The following TARBP1 variants were observed in gnomAD, a reference collection of about 807,000 sequenced individuals.
TARBP1 encodes the protein tRNA guanosine 2 -O-methyltransferase TARBP1, also known as tRNA (guanosine(18)-2'-O)-methyltransferase TARBP1.
TARBP1 carries 144 observed loss-of-function variants against 178.6 expected under a neutral mutation model. That is an observed-to-expected ratio of 0.81 (90% CI 0.70 to 0.93). The LOEUF (loss-of-function observed/expected upper bound fraction) is 0.93, where lower values mean the gene tolerates loss of function less well. TARBP1 is among the 40% of genes least tolerant of loss of function. The pLI, the probability that TARBP1 is intolerant of heterozygous loss-of-function variation, is 0.00. For synonymous variants in TARBP1, 787 were observed against 781.0 expected (o/e 1.01, Z -0.13); for missense variants, 2,067 against 2,011.7 (o/e 1.03, Z -0.53).
chr1:234,425,555 A>G, intron 20 of TARBP1, 118 bp downstream of exon 20: 1 of 1,121,168 alleles, frequency 8.9e-7, no homozygotes, highest in Non-Finnish European at 1.3e-6. Flanking sequence ...ACAGAACATA[A>G]ACTTTGTGTT....
At chr1:234,414,729 A>G (rs1477660986) in intron 22 of TARBP1, among the ~76,000 whole-genome samples, 1 of 152,146 alleles carries the variant, frequency 6.6e-6, no homozygotes, top group Admixed American at 6.5e-5. Flanking sequence ...TCATGCCTGT[A>G]ATCCCAGCAC....
At chr1:234,472,684 T>C in intron 2 of TARBP1, 30 bp downstream of exon 2, 1 of 1,462,458 alleles carries the variant, frequency 6.8e-7, no homozygotes, top group Non-Finnish European at 9.4e-7. Context: ...TTATCTACTG[T>C]AGGATTTGCT....
chr1:234,463,436 C>T (rs1668109381), intron 6 of TARBP1, among the ~76,000 whole-genome samples: 4 of 152,058 alleles, frequency 2.6e-5, no homozygotes, highest in Admixed American at 2.6e-4. Context: ...TTTTTTCTTT[C>T]TTATCTTTCT....
chr1:234,429,238 T>C lies in TARBP1; in HGVS notation c.2958A>G (p.Ile986Met), dbSNP rs965438151. 6.2e-7 allele frequency: 1 copy of C among 1,610,934 alleles called. No individual in the cohort carries two copies. The highest frequency in any genetic ancestry group is 1.3e-5 in the African/African-American group (1 of 74,678). Residue 986 changes from isoleucine (I) to methionine (M), a missense_variant, in exon 17 of 30, where the codon ATA becomes ATG. Ile to Met is a conservative substitution (Grantham distance 10). Coordinates refer to ENST00000040877, the MANE Select transcript of TARBP1 (RefSeq NM_005646.4). ...IISSLSNTQL[I>M]FWANLKAFVQ... ...CAAAAGCTTTTAAATTAGCCCAGAA[T>C]ATCAGCTGAGTGTTGCTTAAAGAAG...
At chr1:234,460,768 T>C (rs547783974) in intron 6 of TARBP1, among the ~76,000 whole-genome samples, 6 of 152,300 alleles carry the variant, frequency 3.9e-5, no homozygotes, top group African/African-American at 1.2e-4. Flanking sequence ...ATTACTCAAA[T>C]AGTCAAAAGT....
At chr1:234,443,984 C>T (rs555352834) in intron 12 of TARBP1, among the ~76,000 whole-genome samples, 1 of 152,250 alleles carries the variant, frequency 6.6e-6, no homozygotes, top group South Asian at 2.1e-4. Flanking sequence ...ATTAGTGTTT[C>T]ACAGGTACAG....
chr1:234,428,550 C>CTTT (rs201444380), intron 17 of TARBP1, among the ~76,000 whole-genome samples: 1 of 146,652 alleles, frequency 6.8e-6, no homozygotes, highest in Non-Finnish European at 1.5e-5. Flanking sequence ...GATTTCCCAA[C>CTTT]TTTTTTTTTT....
At chr1:234,406,698 C>CT (rs1336793348) in intron 23 of TARBP1, 1 of 152,356 alleles carries the variant, frequency 6.6e-6, no homozygotes, top group Non-Finnish European at 1.5e-5. Flanking sequence ...TTCCTGTGAA[C>CT]TTTAGTCTTC....
In TARBP1 at chr1:234,478,391, T is replaced by C. The variant is rs1669784697; in HGVS notation, c.713A>G (p.Glu238Gly). The C allele has an allele frequency of 6.7e-6, 9 of 1,343,270 alleles. No homozygotes were observed. The highest frequency in any genetic ancestry group is 8.6e-6 in the Non-Finnish European group (9 of 1,043,498). The allele number at this position is 1,343,270 out of a possible 1,614,324, so 83.2% of individuals were successfully genotyped here. The change falls in exon 1 of 30, where the codon GAG becomes GGG. Residue 238 changes from glutamate to glycine, a missense_variant. By Grantham distance (98) the Glu-to-Gly change is moderately conservative. Coordinates refer to ENST00000040877, the MANE Select transcript of TARBP1 (RefSeq NM_005646.4). ...EKLLVLSALA[E>G]KLLPEPGGDR... ...GCCGCCGGGCTCGGGCAACAGCTTC[T>C]CGGCCAGGGCGCTCAGGACCAGCAG...
Position 234,478,835 on chromosome 1 carries a change from G to T in TARBP1, c.269C>A (p.Pro90His). The change falls in exon 1 of 30, where the codon CCT becomes CAT. Residue 90 changes from proline (P) to histidine (H), a missense_variant. Pro to His is a moderately conservative substitution (Grantham distance 77). Transcript: ENST00000040877. ...PAGGPDPSLQ[P>H]RHRRRVLRAA... ...CCTCAGCACGCGCCGGCGGTGGCGA[G>T]GCTGCAGACTGGGGTCCGGGCCGCC... 8.3e-7 allele frequency: 1 copy of T among 1,205,504 alleles called. No individual in the cohort carries two copies. Among genetic ancestry groups the T allele is most frequent in the South Asian group, 3.8e-5 (1 of 26,434 alleles). 74.7% of individuals were successfully genotyped at this position (1,205,504 alleles called of 1,614,324 possible). A position where few individuals can be genotyped will look rare whatever the true frequency, so the allele number is the denominator to read the frequency against.
chr1:234,432,937 G>A (rs1428732607), intron 14 of TARBP1, among the ~76,000 whole-genome samples: 1 of 148,266 alleles, frequency 6.7e-6, no homozygotes, highest in Non-Finnish European at 1.5e-5. Context: ...ATGATTTTAA[G>A]ATGATGCCTC....
In TARBP1 at chr1:234,478,419, T is replaced by G; in HGVS notation, c.685A>C (p.Lys229Gln). ...ASLGSGRVEE[K>Q]LLVLSALAEK... is the part of the protein sequence containing the mutation. ...GCCAGGGCGCTCAGGACCAGCAGCTTCTCCTCTACGCGGCCGGACCCCAGG... is the reference window on the plus strand; with the variant it reads ...GCCAGGGCGCTCAGGACCAGCAGCTGCTCCTCTACGCGGCCGGACCCCAGG... The change falls in exon 1 of 30, where the codon AAG (lysine) becomes CAG (glutamine). Residue 229 changes from lysine to glutamine, a missense_variant. Transcript: ENST00000040877. 7.2e-7 allele frequency: 1 copy of G among 1,384,820 alleles called. No homozygotes were observed. The highest frequency in any genetic ancestry group is 9.4e-7 in the Non-Finnish European group (1 of 1,065,292). 85.8% of individuals were successfully genotyped at this position (1,384,820 alleles called of 1,614,324 possible). A position where few individuals can be genotyped will look rare whatever the true frequency, so the allele number is the denominator to read the frequency against.
intron 6 of TARBP1, 27 bp from the exon 7 acceptor site, chr1:234,460,423 T>C (rs1442380959): frequency 1.2e-6 from 2 of 1,611,542 alleles, no homozygotes; most frequent in African/African-American, 1.3e-5. Context: ...TAAATTATCA[T>C]TGTTGCCAAT....
intron 13 of TARBP1, among the ~76,000 whole-genome samples, chr1:234,436,710 C>T (rs935820012): frequency 6.6e-6 from 1 of 151,998 alleles, no homozygotes; most frequent in Non-Finnish European, 1.5e-5. Context: ...AGATTTTAAA[C>T]AAACAAACAA....
intron 20 of TARBP1, among the ~76,000 whole-genome samples, chr1:234,422,016 T>C (rs1487844090): frequency 6.6e-6 from 1 of 152,234 alleles, no homozygotes; most frequent in African/African-American, 2.4e-5. Flanking sequence ...ATAATCTCTA[T>C]ATAATTTCTG....
chr1:234,458,587 T>G (rs1052167803), intron 8 of TARBP1, among the ~76,000 whole-genome samples: 3 of 152,206 alleles, frequency 2.0e-5, no homozygotes, highest in African/African-American at 7.2e-5. Flanking sequence ...CGGCAAAGCT[T>G]TAAAAAAGTT....
At chr1:234,422,371 T>C (rs549422370) in intron 20 of TARBP1, among the ~76,000 whole-genome samples, 1 of 152,190 alleles carries the variant, frequency 6.6e-6, no homozygotes, top group Non-Finnish European at 1.5e-5. Flanking sequence ...ATTAAAAATA[T>C]GTATTCCACA....
intron 23 of TARBP1, among the ~76,000 whole-genome samples, chr1:234,408,659 G>A (rs1661506858): frequency 6.6e-6 from 1 of 151,856 alleles, no homozygotes; most frequent in African/African-American, 2.4e-5. Context: ...CCCCCACCCT[G>A]GAACTGACTT....
chr1:234,410,285 T>A, intron 23 of TARBP1, 160 bp downstream of exon 23: 2 of 500,122 alleles, frequency 4.0e-6, no homozygotes, highest in Non-Finnish European at 3.7e-6. Context: ...TCCCATTTAC[T>A]GGGTATTTGT....
Sources: gnomAD v4.1 joint callset for allele counts (sites outside exome capture counted in the v4.1 genomes callset) on GRCh38, gnomAD v4.1.1 for gene constraint, MANE v1.5 for transcripts, NCBI Gene and HGNC (gene_info 2026-07-23, HGNC 2026-07-21) for gene names.